LNPK: variants seen among roughly 807,000 people sequenced by gnomAD.
LNPK encodes the protein lunapark, ER junction formation factor, also known as endoplasmic reticulum junction formation protein lunapark.
LNPK carries 29 observed loss-of-function variants against 55.2 expected under a neutral mutation model. That is an observed-to-expected ratio of 0.53 (90% CI 0.39 to 0.72). The LOEUF (loss-of-function observed/expected upper bound fraction) is 0.72, where lower values mean the gene tolerates loss of function less well. Among genes scored for constraint, LNPK ranks in the 30% least tolerant of loss-of-function variants. The pLI is 0.00. For missense variants in LNPK, 467 were observed against 494.8 expected, an observed-to-expected ratio of 0.94 and a Z score of 0.53; for synonymous variants, 162 against 168.2, an observed-to-expected ratio of 0.96 and a Z score of 0.29.
chr2:175,991,403 A>G (rs923524127), intron 4 of LNPK, among the ~76,000 whole-genome samples: 1 of 152,206 alleles, frequency 6.6e-6, no homozygotes, highest in Non-Finnish European at 1.5e-5. Flanking sequence ...AAAGCACTCA[A>G]TTTCAGCTCT....
intron 1 of LNPK, among the ~76,000 whole-genome samples, chr2:175,996,097 G>A (rs1238117965): frequency 6.6e-6 from 1 of 152,040 alleles, no homozygotes; most frequent in Non-Finnish European, 1.5e-5. Context: ...ATAGGCGTGA[G>A]CCATCGCACA....
intron 6 of LNPK, among the ~76,000 whole-genome samples, chr2:175,966,911 C>A (rs1686385246): frequency 6.6e-6 from 1 of 152,120 alleles, no homozygotes; most frequent in Non-Finnish European, 1.5e-5. Flanking sequence ...GAGAAAGAGT[C>A]CACAACAGTG....
chr2:175,999,393 G>C (rs1020939419), intron 1 of LNPK, among the ~76,000 whole-genome samples: 1 of 152,088 alleles, frequency 6.6e-6, no homozygotes, highest in East Asian at 1.9e-4. Flanking sequence ...CTGTAAAAGA[G>C]GGATAGTTAA....
upstream of LNPK, chr2:176,002,280 C>A (rs1287377936): frequency 4.5e-6 from 2 of 444,192 alleles, no homozygotes; most frequent in Non-Finnish European, 9.0e-6. Context: ...GCCGGGCCAA[C>A]TCCTTCCCAT....
At chr2:175,971,316 T>C (rs1686652796) in intron 5 of LNPK, among the ~76,000 whole-genome samples, 1 of 152,142 alleles carries the variant, frequency 6.6e-6, no homozygotes, top group African/African-American at 2.4e-5. Context: ...AAAAAAATAC[T>C]AATAACTTTC....
chr2:175,979,015 CAAAT>C (rs1687040250), intron 5 of LNPK, among the ~76,000 whole-genome samples: 1 of 151,664 alleles, frequency 6.6e-6, no homozygotes, highest in Admixed American at 6.6e-5. Flanking sequence ...CTTAGTCAAA[CAAAT>C]AAAATTTTTT....
chr2:175,940,414 G>T (rs942289387), intron 9 of LNPK, among the ~76,000 whole-genome samples: 1 of 151,948 alleles, frequency 6.6e-6, no homozygotes, highest in African/African-American at 2.4e-5. Context: ...ATGCATGTGA[G>T]AAAACTATCT....
At chr2:175,974,878 T>C (rs541295964) in intron 5 of LNPK, among the ~76,000 whole-genome samples, 1 of 151,846 alleles carries the variant, frequency 6.6e-6, no homozygotes, top group South Asian at 2.1e-4. Flanking sequence ...CTCTGAAATA[T>C]ATTTTAAAGC....
intron 12 of LNPK, among the ~76,000 whole-genome samples, chr2:175,933,490 A>G (rs928745077): frequency 2.6e-5 from 4 of 152,166 alleles, no homozygotes; most frequent in African/African-American, 7.2e-5. Flanking sequence ...AAAATTGACA[A>G]TATGTCTTTA....
chr2:175,984,977 ATAGT>A (rs1319760683), intron 4 of LNPK, among the ~76,000 whole-genome samples: 1 of 152,238 alleles, frequency 6.6e-6, no homozygotes, highest in African/African-American at 2.4e-5. Flanking sequence ...CAGCTGGTGA[ATAGT>A]TAAACTATGA....
intron 4 of LNPK, 64 bp from the exon 5 acceptor site, chr2:175,979,932 T>TA: frequency 7.1e-7 from 1 of 1,413,402 alleles, no homozygotes; most frequent in Non-Finnish European, 9.6e-7. Context: ...AGAAGCCATG[T>TA]AAAATGAAAA....
At chr2:175,975,693 T>C (rs1686877121) in intron 5 of LNPK, among the ~76,000 whole-genome samples, 1 of 152,232 alleles carries the variant, frequency 6.6e-6, no homozygotes. Context: ...TCATTCTTTC[T>C]GTTCCCATTT....
chr2:175,959,566 A>T (rs867869024), intron 8 of LNPK, among the ~76,000 whole-genome samples: 1 of 152,218 alleles, frequency 6.6e-6, no homozygotes, highest in Non-Finnish European at 1.5e-5. Flanking sequence ...AGGAAGCACT[A>T]AACATGGAAA....
chr2:175,978,500 T>C (rs904873784), intron 5 of LNPK, among the ~76,000 whole-genome samples: 1 of 152,148 alleles, frequency 6.6e-6, no homozygotes, highest in Non-Finnish European at 1.5e-5. Flanking sequence ...GGTTGGTTGG[T>C]TGGTTTTAGT....
rs577739480 is a variant in LNPK at position 175,982,135 on chromosome 2, C to T, written c.258-2267G>A. Among the ~76,000 whole-genome samples the T allele has an allele frequency of 2.0e-4, 30 of 152,016 alleles. No individual in the cohort carries two copies. The East Asian group carries it at 3.3e-3, about 17-fold the overall frequency. On this transcript the variant is annotated intron_variant, in intron 4 of 12. Transcript: ENST00000272748. ...TAATGCCCATAACCCTCAAGGATTC[C>T]GCAATAATAAAAAAGTCTCGTATCA...
chr2:175,982,715 A>C (rs1415440331), intron 4 of LNPK, among the ~76,000 whole-genome samples: 1 of 152,172 alleles, frequency 6.6e-6, no homozygotes, highest in East Asian at 1.9e-4. Flanking sequence ...TTTAAATAAA[A>C]TTTAGAAAAA....
chr2:175,938,935 C>G (rs1039388551), intron 10 of LNPK: 1 of 152,098 alleles, frequency 6.6e-6, no homozygotes, highest in African/African-American at 2.4e-5. Flanking sequence ...TGTGGATATA[C>G]TCAATGAATA....
intron 11 of LNPK, among the ~76,000 whole-genome samples, 187 bp downstream of exon 11, chr2:175,938,126 G>A (rs1684642225): frequency 1.3e-5 from 2 of 152,114 alleles, no homozygotes; most frequent in South Asian, 4.1e-4. Context: ...CCTAGGGGCT[G>A]TACATTATAT....
At chr2:175,935,770 A>C in intron 12 of LNPK, 2 of 972,208 alleles carry the variant, frequency 2.1e-6, no homozygotes, top group South Asian at 9.5e-5. Context: ...AGAAAATGAG[A>C]CGTCTGGGGT....
Sources: gnomAD v4.1 joint callset for allele counts (sites outside exome capture counted in the v4.1 genomes callset) on GRCh38, gnomAD v4.1.1 for gene constraint, MANE v1.5 for transcripts, NCBI Gene and HGNC (gene_info 2026-07-23, HGNC 2026-07-21) for gene names.